The following XRRA1 variants were observed in gnomAD, a reference collection of about 807,000 sequenced individuals.
The protein encoded by XRRA1 is X-ray radiation resistance-associated protein 1.
XRRA1 carries 69 observed loss-of-function variants against 80.2 expected under a neutral mutation model. The observed-to-expected ratio is 0.86, with a 90% CI of 0.71 to 1.05. The LOEUF is 1.05. Ranked by LOEUF, XRRA1 falls within the 50% of genes least tolerant of loss-of-function variation. The pLI is 0.00. For synonymous variants in XRRA1, 348 were observed against 389.9 expected, an observed-to-expected ratio of 0.89 and a Z score of 1.27; for missense variants, 967 against 976.4, an observed-to-expected ratio of 0.99 and a Z score of 0.13.
intron 10 of XRRA1, among the ~76,000 whole-genome samples, chr11:74,877,534 C>A (rs2046330620): frequency 6.6e-6 from 1 of 151,770 alleles, no homozygotes; most frequent in Non-Finnish European, 1.5e-5. Flanking sequence ...CATATGTATA[C>A]ATGTGCCATG....
Position 74,843,376 on chromosome 11 carries a change from C to T in XRRA1, c.2227G>A (p.Glu743Lys), listed in dbSNP as rs1260114124. The change falls in exon 19 of 19, where the codon GAG becomes AAG. Residue 743 changes from glutamate to lysine, a missense_variant. Glu to Lys is a moderately conservative substitution (Grantham distance 56, BLOSUM62 1). Coordinates refer to ENST00000684022, the MANE Select transcript of XRRA1 (RefSeq NM_001378157.1). ...AGCTGCCGGTAACGTGCCTGGAACT[C>T]CTTCAACAGCCTCTTGGCCTCCAGG... The part of the protein sequence containing the change: ...QYLEAKRLLK[E>K]FQARYRQLVS... 6.2e-7 allele frequency: 1 copy of T among 1,612,244 alleles called. No individual in the cohort carries two copies. The highest frequency in any genetic ancestry group is 1.7e-5 in the Admixed American group (1 of 59,826).
At position 74,882,375 on chromosome 11, in the gene XRRA1, A is replaced by C. The variant is rs377649680; in HGVS notation, c.1004-19354T>G. ...TTCAGCTCCATCAGCTCCTTTAAGC[A>C]CTTCTCTGTATTGGTTATTCTAGTT... On this transcript the variant is annotated intron_variant, in intron 10 of 18. Transcript: ENST00000684022. Among the ~76,000 whole-genome samples the C allele has an allele frequency of 8.3e-4, 125 of 150,552 alleles. 2 individuals are homozygous for C. In the East Asian group the frequency reaches 0.022, roughly 27 times the overall value.
intron 8 of XRRA1, among the ~76,000 whole-genome samples, chr11:74,912,686 T>A (rs1159167157): frequency 6.6e-6 from 1 of 152,162 alleles, no homozygotes; most frequent in Non-Finnish European, 1.5e-5. Context: ...CTTGATCTGG[T>A]GGGCAAAAAG....
At chr11:74,928,478 G>T (rs761259741) in intron 6 of XRRA1, among the ~76,000 whole-genome samples, 2 of 152,122 alleles carry the variant, frequency 1.3e-5, no homozygotes, top group Non-Finnish European at 2.9e-5. Context: ...TCTAAGCCAG[G>T]GTGGCTTTTG....
At chr11:74,946,500 C>G (rs575154723) in intron 1 of XRRA1, among the ~76,000 whole-genome samples, 1 of 152,186 alleles carries the variant, frequency 6.6e-6, no homozygotes, top group Non-Finnish European at 1.5e-5. Context: ...TAAGACTTGC[C>G]TCTTCCCTTT....
intron 5 of XRRA1, chr11:74,931,872 C>T (rs1047412063): frequency 2.0e-5 from 3 of 152,204 alleles, no homozygotes; most frequent in Admixed American, 1.3e-4. Context: ...ACAGTCCTAC[C>T]TGCAGTGTAT....
Position 74,848,357 on chromosome 11 carries a change from C to A in XRRA1, c.1486G>T (p.Glu496Ter). 6.2e-7 allele frequency: 1 copy of A among 1,613,920 alleles called. No individual in the cohort carries two copies. Among genetic ancestry groups the A allele is most frequent in the Non-Finnish European group, 8.5e-7 (1 of 1,179,862 alleles). Residue 496 changes from glutamate to a stop codon, truncating the protein, a stop_gained, in exon 15 of 19, where the codon GAG becomes TAG. Transcript: ENST00000684022. LOFTEE classifies it high-confidence loss of function. ...GTAGTGGGCAGATCTTCAGCCAGCTCTGCCTCTGGCTCTAGCATATCCTTT... is the reference window on the plus strand; with the variant it reads ...GTAGTGGGCAGATCTTCAGCCAGCTATGCCTCTGGCTCTAGCATATCCTTT... The part of the protein sequence containing the change: ...PSKDMLEPEA[E>*]LAEDLPTTKS...
chr11:74,944,515 CTCCTTTGG>C (rs1400737582), intron 2 of XRRA1, among the ~76,000 whole-genome samples: 2 of 152,164 alleles, frequency 1.3e-5, no homozygotes, highest in African/African-American at 4.8e-5. Flanking sequence ...ATGTTGGTAC[CTCCTTTGG>C]TCCAACACAG....
intron 10 of XRRA1, among the ~76,000 whole-genome samples, chr11:74,887,087 A>G (rs1053515300): frequency 4.6e-5 from 7 of 152,272 alleles, no homozygotes; most frequent in Admixed American, 4.6e-4. Flanking sequence ...AAAGACTTAA[A>G]TGTAAAACCT....
intron 3 of XRRA1, among the ~76,000 whole-genome samples, chr11:74,937,679 G>A (rs560477193): frequency 5.3e-5 from 8 of 151,976 alleles, no homozygotes; most frequent in African/African-American, 1.7e-4. Context: ...AAGAATATGA[G>A]GTTTACTAGT....
At chr11:74,851,871 C>T in intron 13 of XRRA1, 118 bp downstream of exon 13, 1 of 847,880 alleles carries the variant, frequency 1.2e-6, no homozygotes, top group Non-Finnish European at 1.9e-6. Flanking sequence ...TACCATGAAC[C>T]TTGTCCACCC....
At chr11:74,898,929 AT>A (rs1328786812) in intron 10 of XRRA1, among the ~76,000 whole-genome samples, 3 of 152,218 alleles carry the variant, frequency 2.0e-5, no homozygotes, top group African/African-American at 7.2e-5. Context: ...TTTACAGAAC[AT>A]TTCATCCAGT....
intron 3 of XRRA1, among the ~76,000 whole-genome samples, chr11:74,939,843 TAG>T (rs34445753): frequency 0.45 from 64,228 of 144,282 alleles, 13,976 homozygotes; most frequent in Middle Eastern, 0.53. Context: ...GAGAGTGACA[TAG>T]AGAGAGAGAG....
At chr11:74,892,024 T>C (rs565763712) in intron 10 of XRRA1, among the ~76,000 whole-genome samples, 3 of 152,270 alleles carry the variant, frequency 2.0e-5, no homozygotes, top group East Asian at 3.9e-4. Context: ...AAGCTACCAA[T>C]GACTTTCTTC....
At chr11:74,848,512 T>C (rs2038909674) in intron 14 of XRRA1, 50 bp from the exon 15 acceptor site, 1 of 1,508,102 alleles carries the variant, frequency 6.6e-7, no homozygotes, top group Admixed American at 2.0e-5. Context: ...TAGGATTCTC[T>C]CCTCCTGGGC....
intron 8 of XRRA1, 41 bp downstream of exon 8, chr11:74,921,173 T>C (rs977172024): frequency 3.1e-6 from 5 of 1,604,112 alleles, no homozygotes; most frequent in Middle Eastern, 3.3e-4. Flanking sequence ...TGGATATTTG[T>C]ACACAAAAAC....
At chr11:74,919,369 A>G (rs1447973533) in intron 8 of XRRA1, among the ~76,000 whole-genome samples, 1 of 152,194 alleles carries the variant, frequency 6.6e-6, no homozygotes, top group African/African-American at 2.4e-5. Flanking sequence ...CCTGGAGTCA[A>G]TTTTATGATA....
intron 14 of XRRA1, among the ~76,000 whole-genome samples, chr11:74,849,700 A>G (rs2039293769): frequency 6.6e-6 from 1 of 152,186 alleles, no homozygotes; most frequent in South Asian, 2.1e-4. Flanking sequence ...CTAACTGGCC[A>G]GAGGTTGAGT....
intron 10 of XRRA1, among the ~76,000 whole-genome samples, chr11:74,869,946 C>T: frequency 6.6e-6 from 1 of 152,210 alleles, no homozygotes; most frequent in Admixed American, 6.5e-5. Flanking sequence ...CATGAGACAA[C>T]AAACCTCGGG....
Sources: gnomAD v4.1 joint callset for allele counts (sites outside exome capture counted in the v4.1 genomes callset) on GRCh38, gnomAD v4.1.1 for gene constraint, MANE v1.5 for transcripts, NCBI Gene and HGNC (gene_info 2026-07-23, HGNC 2026-07-21) for gene names.